EGFLAM: variants seen among roughly 807,000 people sequenced by gnomAD.
EGFLAM encodes the protein pikachurin.
In EGFLAM, 79 loss-of-function variants were observed where a neutral mutation model predicts 113.1. The observed-to-expected ratio is 0.70, with a 90% confidence interval of 0.58 to 0.84. The LOEUF (loss-of-function observed/expected upper bound fraction) is 0.84. Ranked by LOEUF, EGFLAM falls within the 40% of genes least tolerant of loss-of-function variation. The pLI, the probability that EGFLAM is intolerant of heterozygous loss-of-function variation, is 0.00. For missense variants in EGFLAM, 1,265 were observed against 1,291.6 expected (o/e 0.98, Z 0.32); for synonymous variants, 504 against 487.6 (o/e 1.03, Z -0.44).
At chr5:38,426,552 G>A (rs1742015498) in intron 13 of EGFLAM, among the ~76,000 whole-genome samples, 1 of 152,192 alleles carries the variant, frequency 6.6e-6, no homozygotes, top group Admixed American at 6.5e-5. Context: ...TGTGAGTCAG[G>A]GTAAGCCAAT....
chr5:38,318,163 A>G (rs148539508), intron 1 of EGFLAM, among the ~76,000 whole-genome samples: 69 of 152,162 alleles, frequency 4.5e-4, no homozygotes, highest in African/African-American at 1.5e-3. Flanking sequence ...TGGTGATGAA[A>G]GAAAGAGGAC....
chr5:38,295,850 A>C lies in EGFLAM; in HGVS notation c.97+36999A>C, dbSNP rs570978659. On this transcript the variant is annotated intron_variant, in intron 1 of 21. Coordinates refer to ENST00000322350, the MANE Select transcript of EGFLAM (RefSeq NM_152403.4). ...AAAAGACCTTAACTCTATATTGTGA[A>C]GGCAAATATCACAGTGTAAGTAGTA... 3.3e-5 allele frequency among the ~76,000 whole-genome samples: 5 copies of C among 152,342 alleles called. No homozygotes were observed. In the South Asian group the frequency reaches 1.0e-3, roughly 32 times the overall value.
intron 3 of EGFLAM, among the ~76,000 whole-genome samples, chr5:38,341,242 T>G (rs1388845879): frequency 6.6e-6 from 1 of 152,130 alleles, no homozygotes; most frequent in African/African-American, 2.4e-5. Context: ...ACTGGGTAAT[T>G]TATAAAGAAA....
At position 38,464,731 on chromosome 5, in the gene EGFLAM, GA is replaced by G. The variant is rs1443910906; in HGVS notation, c.*746del. The G allele has an allele frequency of 5.3e-5, 8 of 152,174 alleles. No homozygotes were observed. The highest frequency in any genetic ancestry group is 2.0e-4 in the Admixed American group (3 of 15,276). The allele number at this position is 152,174 out of a possible 1,614,324, so 9.4% of individuals were successfully genotyped here. The stretch of plus-strand genomic sequence containing the variant: ...CAGTATACTTTTGGAAGTTTGGGTG[GA>G]TGACTCTGAATTCTTGCACACCTTT... On this transcript the variant is annotated 3_prime_UTR_variant, in exon 22 of 22. Coordinates refer to ENST00000322350, the MANE Select transcript of EGFLAM (RefSeq NM_152403.4).
At chr5:38,277,625 C>T (rs773677238) in intron 1 of EGFLAM, among the ~76,000 whole-genome samples, 8 of 152,098 alleles carry the variant, frequency 5.3e-5, no homozygotes, top group Non-Finnish European at 1.2e-4. Context: ...AACTGTCCCT[C>T]TTTGCAGATG....
intron 2 of EGFLAM, 68 bp downstream of exon 2, chr5:38,337,697 G>C: frequency 2.3e-6 from 3 of 1,312,006 alleles, no homozygotes; most frequent in Non-Finnish European, 3.2e-6. Flanking sequence ...TCTCATCCTT[G>C]CTTTTTCTAG....
At chr5:38,315,580 T>C (rs958652632) in intron 1 of EGFLAM, among the ~76,000 whole-genome samples, 1 of 152,190 alleles carries the variant, frequency 6.6e-6, no homozygotes, top group African/African-American at 2.4e-5. Context: ...AATTAGAAGC[T>C]TGAGAGGAAA....
chr5:38,409,394 C>A (rs1398583189), intron 10 of EGFLAM, among the ~76,000 whole-genome samples: 2 of 152,090 alleles, frequency 1.3e-5, no homozygotes, highest in Admixed American at 1.3e-4. Flanking sequence ...GTTGAACATA[C>A]CTGATGCTGC....
intron 1 of EGFLAM, among the ~76,000 whole-genome samples, chr5:38,329,770 C>T (rs996192972): frequency 2.6e-5 from 4 of 152,166 alleles, no homozygotes; most frequent in Non-Finnish European, 5.9e-5. Flanking sequence ...CCTGGTATGT[C>T]CTTGCTATGG....
chr5:38,442,369 T>G (rs897677729), intron 17 of EGFLAM, among the ~76,000 whole-genome samples: 2 of 147,800 alleles, frequency 1.4e-5, no homozygotes, highest in African/African-American at 4.9e-5. Context: ...ATTAACATAA[T>G]ATGTTAATAT....
intron 6 of EGFLAM, among the ~76,000 whole-genome samples, chr5:38,404,273 A>C (rs1166063398): frequency 2.6e-5 from 4 of 152,166 alleles, no homozygotes; most frequent in Non-Finnish European, 5.9e-5. Flanking sequence ...ACCCCCAAGG[A>C]GGGGCCTTTG....
At chr5:38,405,380 C>G (rs1188026025) in intron 6 of EGFLAM, among the ~76,000 whole-genome samples, 1 of 151,950 alleles carries the variant, frequency 6.6e-6, no homozygotes, top group African/African-American at 2.4e-5. Flanking sequence ...ATATGTATCC[C>G]TAAGTAATAT....
chr5:38,299,559 G>T (rs1316742132), intron 1 of EGFLAM, among the ~76,000 whole-genome samples: 1 of 152,118 alleles, frequency 6.6e-6, no homozygotes, highest in East Asian at 1.9e-4. Context: ...CCTTGGTGAT[G>T]AGTGAGTTCT....
intron 1 of EGFLAM, among the ~76,000 whole-genome samples, chr5:38,336,358 G>T (rs1402346894): frequency 6.6e-6 from 1 of 152,148 alleles, no homozygotes; most frequent in African/African-American, 2.4e-5. Context: ...CAGGTCACAA[G>T]GTCAGGAGAT....
chr5:38,335,887 C>T (rs1210212106), intron 1 of EGFLAM, among the ~76,000 whole-genome samples: 1 of 152,146 alleles, frequency 6.6e-6, no homozygotes, highest in Non-Finnish European at 1.5e-5. Context: ...TGGAGAATTA[C>T]ATGCAATAGT....
At chr5:38,450,445 C>T (rs903814286) in intron 18 of EGFLAM, among the ~76,000 whole-genome samples, 1 of 152,182 alleles carries the variant, frequency 6.6e-6, no homozygotes, top group African/African-American at 2.4e-5. Flanking sequence ...CAGACACAGA[C>T]CCAGGTGTGT....
At chr5:38,295,237 G>T (rs1052638666) in intron 1 of EGFLAM, among the ~76,000 whole-genome samples, 2 of 152,170 alleles carry the variant, frequency 1.3e-5, no homozygotes, top group Non-Finnish European at 2.9e-5. Context: ...GCTAGATCCT[G>T]CTAACCGCTG....
chr5:38,274,597 C>A (rs1441205038), intron 1 of EGFLAM, among the ~76,000 whole-genome samples: 1 of 152,028 alleles, frequency 6.6e-6, no homozygotes, highest in Admixed American at 6.6e-5. Context: ...AATACTGTAC[C>A]CAGAAAAGCT....
At chr5:38,268,958 C>T (rs759325670) in intron 1 of EGFLAM, among the ~76,000 whole-genome samples, 1 of 152,140 alleles carries the variant, frequency 6.6e-6, no homozygotes, top group Non-Finnish European at 1.5e-5. Context: ...GGGTGGATCG[C>T]TTCAGCCCAG....
Sources: gnomAD v4.1 joint callset for allele counts (sites outside exome capture counted in the v4.1 genomes callset) on GRCh38, gnomAD v4.1.1 for gene constraint, MANE v1.5 for transcripts, NCBI Gene and HGNC (gene_info 2026-07-23, HGNC 2026-07-21) for gene names.